Variants in CLASP2 observed in about 807,000 individuals in gnomAD.
CLASP2 encodes CLIP-associating protein 2.
A neutral mutation model predicts 194.4 loss-of-function variants in CLASP2; 47 were observed. The observed-to-expected ratio is 0.24, with a 90% confidence interval of 0.19 to 0.31. The LOEUF (loss-of-function observed/expected upper bound fraction) is 0.31. Among genes scored for constraint, CLASP2 ranks in the 10% least tolerant of loss-of-function variants. CLASP2 has a pLI of 1.00. For missense variants in CLASP2, 1,445 were observed against 1,823.6 expected, an observed-to-expected ratio of 0.79 and a Z score of 3.78; for synonymous variants, 619 against 633.5, an observed-to-expected ratio of 0.98 and a Z score of 0.34.
At chr3:33,637,555 A>G (rs1046589751) in intron 8 of CLASP2, among the ~76,000 whole-genome samples, 1 of 152,116 alleles carries the variant, frequency 6.6e-6, no homozygotes, top group African/African-American at 2.4e-5. Context: ...GAAAAAAGAA[A>G]AAGAAAAAAT....
intron 36 of CLASP2, among the ~76,000 whole-genome samples, chr3:33,511,439 A>G (rs561926430): frequency 6.6e-6 from 1 of 152,276 alleles, no homozygotes; most frequent in Admixed American, 6.5e-5. Flanking sequence ...TGCATAAGCC[A>G]TGCTGAAGCC....
intron 30 of CLASP2, among the ~76,000 whole-genome samples, chr3:33,546,887 C>T (rs560356563): frequency 5.3e-5 from 8 of 152,260 alleles, no homozygotes; most frequent in Non-Finnish European, 8.8e-5. Context: ...TGAAATCCAA[C>T]TTATCTGTTT....
Position 33,688,267 on chromosome 3 carries a change from T to C in CLASP2, c.470+10A>G, listed in dbSNP as rs760033402. The C allele has an allele frequency of 2.6e-6, 4 of 1,533,038 alleles. No homozygotes were observed. Among genetic ancestry groups the C allele is most frequent in the East Asian group, 4.7e-5 (2 of 42,304 alleles). 95.0% of individuals were successfully genotyped at this position (1,533,038 alleles called of 1,614,324 possible). A position where few individuals can be genotyped will look rare whatever the true frequency, so the allele number is the denominator to read the frequency against. ...ACAAGACAGTTATTTTCAGTAATCATAAAACTTACATGTTTAAGGTTTCAA... is the reference window on the plus strand; with the variant it reads ...ACAAGACAGTTATTTTCAGTAATCACAAAACTTACATGTTTAAGGTTTCAA... On this transcript the variant is annotated intron_variant, in intron 4 of 38. Coordinates refer to ENST00000682230, the MANE Select transcript of CLASP2 (RefSeq NM_001365631.1).
chr3:33,507,850 T>A (rs1376094066), intron 37 of CLASP2, among the ~76,000 whole-genome samples: 1 of 151,998 alleles, frequency 6.6e-6, no homozygotes, highest in Non-Finnish European at 1.5e-5. Flanking sequence ...TCAGATGTTG[T>A]TAGTCTAACT....
At chr3:33,685,901 A>T (rs2090606159) in intron 5 of CLASP2, among the ~76,000 whole-genome samples, 1 of 152,108 alleles carries the variant, frequency 6.6e-6, no homozygotes, top group Admixed American at 6.6e-5. Flanking sequence ...GAAGATGAAG[A>T]AGTTCTGGAG....
At position 33,688,360 on chromosome 3, in the gene CLASP2, C is replaced by T. The variant is rs867592675; in HGVS notation, c.387G>A (p.Trp129Ter). The T allele has an allele frequency of 1.9e-6, 3 of 1,583,208 alleles. No individual in the cohort carries two copies. The highest frequency in any genetic ancestry group is 2.6e-6 in the Non-Finnish European group (3 of 1,163,522). ...GTTTAAAACCAGAAGCCAACTGCTC[C>T]CAAATGTACTATTTGAAAGAAAAGT... is the stretch of plus-strand genomic sequence containing the variant. ...MDQVAPPMYI[W>*]EQLASGFKHK... is the part of the protein sequence containing the mutation. Residue 129 changes from tryptophan to a stop codon, truncating the protein, a stop_gained, in exon 4 of 39, where the codon TGG (tryptophan) becomes TGA (stop). Transcript: ENST00000682230. LOFTEE classifies it high-confidence loss of function.
At chr3:33,538,757 A>G in intron 33 of CLASP2, 32 bp downstream of exon 33, 1 of 1,494,036 alleles carries the variant, frequency 6.7e-7, no homozygotes, top group Non-Finnish European at 9.0e-7. Context: ...ACAATAAAAT[A>G]GTCTGGAAAG....
intron 23 of CLASP2, among the ~76,000 whole-genome samples, chr3:33,580,850 C>T (rs1284021373): frequency 6.6e-6 from 1 of 151,284 alleles, no homozygotes; most frequent in Non-Finnish European, 1.5e-5. Context: ...ACCGTCTCTA[C>T]TGAAAATACA....
At chr3:33,528,795 AAAGAAAGAAAGG>A (rs1386716430) in intron 34 of CLASP2, among the ~76,000 whole-genome samples, 3 of 151,860 alleles carry the variant, frequency 2.0e-5, no homozygotes, top group East Asian at 1.9e-4. Context: ...ACAAAGAAGG[AAAGAAAGAAAGG>A]AAGAAAGAAA....
intron 27 of CLASP2, among the ~76,000 whole-genome samples, chr3:33,564,285 A>G (rs1431116282): frequency 6.6e-6 from 1 of 152,166 alleles, no homozygotes; most frequent in African/African-American, 2.4e-5. Context: ...TTTTTCTTCA[A>G]TGCAAGGGAA....
At chr3:33,614,647 C>A (rs2075789734) in intron 12 of CLASP2, among the ~76,000 whole-genome samples, 2 of 152,008 alleles carry the variant, frequency 1.3e-5, no homozygotes, top group Admixed American at 6.6e-5. Flanking sequence ...TTTTTAGAGG[C>A]AACAATAAAA....
At chr3:33,582,689 A>G (rs2066422062) in intron 22 of CLASP2, among the ~76,000 whole-genome samples, 1 of 152,154 alleles carries the variant, frequency 6.6e-6, no homozygotes, top group Middle Eastern at 3.2e-3. Context: ...AGGAAAAAAT[A>G]AGCCAATGCT....
chr3:33,517,881 T>C (rs1373245465), intron 34 of CLASP2, among the ~76,000 whole-genome samples: 2 of 152,184 alleles, frequency 1.3e-5, no homozygotes, highest in African/African-American at 4.8e-5. Flanking sequence ...CTGGAACTCC[T>C]GGGCTCAAGT....
intron 37 of CLASP2, 88 bp from the exon 38 acceptor site, chr3:33,501,856 A>G (rs2046921488): frequency 1.2e-6 from 1 of 846,828 alleles, no homozygotes; most frequent in Admixed American, 1.9e-5. Context: ...CAGCTGAAAG[A>G]TGAAATCTCG....
chr3:33,532,203 A>C (rs1328423644), intron 34 of CLASP2, among the ~76,000 whole-genome samples: 1 of 152,236 alleles, frequency 6.6e-6, no homozygotes, highest in African/African-American at 2.4e-5. Context: ...CAAAGGAAGA[A>C]AATTCTGACA....
At chr3:33,629,201 G>A (rs1052324011) in intron 9 of CLASP2, among the ~76,000 whole-genome samples, 1 of 152,174 alleles carries the variant, frequency 6.6e-6, no homozygotes, top group Non-Finnish European at 1.5e-5. Context: ...ATAAAAAATA[G>A]TATCTGGAAG....
intron 37 of CLASP2, among the ~76,000 whole-genome samples, chr3:33,508,930 T>C (rs574621483): frequency 2.6e-5 from 4 of 152,340 alleles, no homozygotes; most frequent in Non-Finnish European, 5.9e-5. Flanking sequence ...CAGTCAATAA[T>C]TCTCAGGCTC....
At chr3:33,669,218 C>T (rs549803352) in intron 6 of CLASP2, among the ~76,000 whole-genome samples, 55 of 152,122 alleles carry the variant, frequency 3.6e-4, no homozygotes, top group Admixed American at 1.0e-3. Context: ...AGTATCCACA[C>T]GAAAAAAATT....
At chr3:33,701,432 C>CA (rs1459067197) in intron 1 of CLASP2, among the ~76,000 whole-genome samples, 3 of 152,130 alleles carry the variant, frequency 2.0e-5, no homozygotes, top group Admixed American at 6.5e-5. Context: ...CCTGTCTCTA[C>CA]AAAAAATTTT....
Sources: allele counts gnomAD v4.1 joint callset (sites outside exome capture counted in the v4.1 genomes callset), GRCh38; gene constraint gnomAD v4.1.1; transcripts MANE v1.5; gene names NCBI Gene and HGNC (gene_info 2026-07-23, HGNC 2026-07-21).